TADA2B: variants seen among roughly 807,000 people sequenced by gnomAD.
The protein encoded by TADA2B is transcriptional adapter 2-beta.
TADA2B carries 13 observed loss-of-function variants against 34.5 expected under a neutral mutation model. That is an observed-to-expected ratio of 0.38 (90% CI 0.25 to 0.60). The LOEUF (loss-of-function observed/expected upper bound fraction) is 0.60. TADA2B is among the 20% of genes least tolerant of loss of function. TADA2B has a pLI of 0.65. For synonymous variants in TADA2B, 240 were observed against 243.4 expected (o/e 0.99, Z 0.13); for missense variants, 442 against 575.0 (o/e 0.77, Z 2.37).
intron 1 of TADA2B, among the ~76,000 whole-genome samples, chr4:7,049,042 C>T (rs952346754): frequency 1.9e-4 from 29 of 152,020 alleles, no homozygotes; most frequent in Admixed American, 1.1e-3. Context: ...TGAGGGATCT[C>T]GTCAAGTAAA....
chr4:7,054,401 G>A lies in TADA2B; in HGVS notation c.610G>A (p.Ala204Thr), dbSNP rs753150104. The change falls in exon 2 of 2, where the codon GCC becomes ACC. Residue 204 changes from alanine (A) to threonine (T), a missense_variant. By Grantham distance (58) the Ala-to-Thr change is moderately conservative (BLOSUM62 0). Around this residue, in one of 4 missense-constraint regions of TADA2B, gnomAD observed 222 missense variants for 235.2 expected, o/e 0.94. Transcript: ENST00000310074. ...DDDVEIELKR[A>T]HVDMYVRKLK... ...CGACGTGGAGATCGAGCTGAAGCGCGCCCACGTGGACATGTACGTGCGGAA... is the reference window on the plus strand; with the variant it reads ...CGACGTGGAGATCGAGCTGAAGCGCACCCACGTGGACATGTACGTGCGGAA... The A allele has an allele frequency of 1.2e-6, 2 of 1,613,584 alleles. No individual in the cohort carries two copies. Among genetic ancestry groups the A allele is most frequent in the East Asian group, 2.2e-5 (1 of 44,874 alleles).
At chr4:7,051,338 C>T (rs983894584) in intron 1 of TADA2B, among the ~76,000 whole-genome samples, 1 of 149,236 alleles carries the variant, frequency 6.7e-6, no homozygotes, top group Non-Finnish European at 1.5e-5. Context: ...GGACCCCAGC[C>T]CCTAGCCTGG....
chr4:7,051,010 C>T (rs1723753952), intron 1 of TADA2B, among the ~76,000 whole-genome samples: 1 of 152,158 alleles, frequency 6.6e-6, no homozygotes, highest in South Asian at 2.1e-4. Flanking sequence ...GCGGTAACAA[C>T]ACTCCTCCTC....
chr4:7,052,412 C>T (rs552202026), intron 1 of TADA2B, among the ~76,000 whole-genome samples: 1 of 152,340 alleles, frequency 6.6e-6, no homozygotes, highest in Non-Finnish European at 1.5e-5. Flanking sequence ...GTTTCAGAGG[C>T]CATTGCGGTT....
chr4:7,048,484 T>G (rs765341219), intron 1 of TADA2B, among the ~76,000 whole-genome samples: 1 of 152,208 alleles, frequency 6.6e-6, no homozygotes, highest in Non-Finnish European at 1.5e-5. Context: ...GCGGCCGCCG[T>G]GGGACCCCAC....
chr4:7,057,378 C>T lies in TADA2B; in HGVS notation c.*2324C>T, dbSNP rs564707280. 3.9e-4 allele frequency: 60 copies of T among 152,362 alleles called. No homozygotes were observed. The highest frequency in any genetic ancestry group is 1.4e-3 in the African/African-American group (57 of 41,576). The allele number at this position is 152,362 out of a possible 1,614,324, so 9.4% of individuals were successfully genotyped here. A position where few individuals can be genotyped will look rare whatever the true frequency, so the allele number is the denominator to read the frequency against. On this transcript the variant is annotated 3_prime_UTR_variant, in exon 2 of 2. Coordinates refer to ENST00000310074, the MANE Select transcript of TADA2B (RefSeq NM_152293.3). ...GGTAATGTGATTGGCTGCCTGTTAG[C>T]CCATCGACTATTCCCGTCACGGTAG...
Position 7,043,677 on chromosome 4 carries a change from C to T in TADA2B, c.98C>T (p.Pro33Leu), listed in dbSNP as rs756884051. 2 of 1,585,960 alleles carry T rather than the reference C, an allele frequency of 1.3e-6. No homozygotes were observed. The highest frequency in any genetic ancestry group is 1.1e-5 in the South Asian group (1 of 88,004). Reference protein sequence around the residue: ...CTECQDIELCPECFSAGAEIG... With the variant: ...CTECQDIELCLECFSAGAEIG... ...GAGTGCCAGGACATCGAGCTGTGCC[C>T]CGAGTGCTTCTCGGCCGGCGCCGAG... Residue 33 changes from proline (P) to leucine (L), a missense_variant, in exon 1 of 2, where the codon CCC becomes CTC. Physicochemically the swap from Pro to Leu is moderately conservative, Grantham distance 98. Around this residue, in one of 4 missense-constraint regions of TADA2B, gnomAD observed 102 missense variants for 177.2 expected, o/e 0.58. Coordinates refer to ENST00000310074, the MANE Select transcript of TADA2B (RefSeq NM_152293.3).
chr4:7,048,216 T>TAA (rs1723679966), intron 1 of TADA2B, among the ~76,000 whole-genome samples: 3 of 152,238 alleles, frequency 2.0e-5, no homozygotes, highest in African/African-American at 7.2e-5. Context: ...AGTGGGGACT[T>TAA]ACCTTCCCCG....
At chr4:7,052,237 C>G (rs1334834027) in intron 1 of TADA2B, among the ~76,000 whole-genome samples, 6 of 152,276 alleles carry the variant, frequency 3.9e-5, no homozygotes, top group Non-Finnish European at 8.8e-5. Flanking sequence ...TGCCGCCCGC[C>G]TGCGCGGTGG....
intron 1 of TADA2B, among the ~76,000 whole-genome samples, chr4:7,049,093 T>G (rs1723703313): frequency 1.3e-5 from 2 of 152,196 alleles, no homozygotes; most frequent in African/African-American, 2.4e-5. Context: ...GTGTAATTTT[T>G]TTTTTTTAAG....
chr4:7,057,417 C>T lies in TADA2B; in HGVS notation c.*2363C>T, dbSNP rs573329423. 10 of 152,332 alleles carry T rather than the reference C, an allele frequency of 6.6e-5. No homozygotes were observed. The highest frequency in any genetic ancestry group is 2.2e-4 in the African/African-American group (9 of 41,580). The allele number at this position is 152,332 out of a possible 1,614,324, so 9.4% of individuals were successfully genotyped here. A position where few individuals can be genotyped will look rare whatever the true frequency, so the allele number is the denominator to read the frequency against. ...CCGTCACGGTAGTCCTTACCTCTGT[C>T]GGCAGCTCAGAGCCTCCACATTTTT... On this transcript the variant is annotated 3_prime_UTR_variant, in exon 2 of 2. Transcript: ENST00000310074.
Position 7,054,941 on chromosome 4 carries a change from C to A in TADA2B, c.1150C>A (p.Arg384=). The part of the protein sequence containing the change: ...TIIIKDHLQK[R]QGIPSKSRLP... ...TATAATTAAAGACCACCTCCAGAAG[C>A]GGCAAGGAATCCCCTCCAAAAGCCG... Residue 384 remains arginine, a synonymous_variant, in exon 2 of 2, where the codon CGG becomes AGG. Transcript: ENST00000310074. The A allele has an allele frequency of 1.2e-6, 2 of 1,613,904 alleles. No homozygotes were observed.
At chr4:7,050,751 A>G (rs1371029465) in intron 1 of TADA2B, among the ~76,000 whole-genome samples, 3 of 152,218 alleles carry the variant, frequency 2.0e-5, no homozygotes, top group Non-Finnish European at 4.4e-5. Flanking sequence ...CACGTCTCCA[A>G]CGTGCTTGTT....
chr4:7,050,354 A>G, intron 1 of TADA2B, among the ~76,000 whole-genome samples: 1 of 152,210 alleles, frequency 6.6e-6, no homozygotes, highest in East Asian at 1.9e-4. Flanking sequence ...TGCCCGCTGA[A>G]TGCCCTTCCC....
chr4:7,044,408 G>T (rs1177435894), intron 1 of TADA2B, among the ~76,000 whole-genome samples: 1 of 152,220 alleles, frequency 6.6e-6, no homozygotes, highest in Non-Finnish European at 1.5e-5. Flanking sequence ...CCACGACCTT[G>T]TGCGAATGGT....
Position 7,043,452 on chromosome 4 carries a change from C to A in TADA2B, c.-128C>A. 2 of 354,464 alleles carry A rather than the reference C, an allele frequency of 5.6e-6. No homozygotes were observed. Among genetic ancestry groups the A allele is most frequent in the Non-Finnish European group, 7.8e-6 (2 of 257,492 alleles). The allele number at this position is 354,464 out of a possible 1,614,324, so 22.0% of individuals were successfully genotyped here. ...GGCTGGGCTGGGGCCGCGGTGGCGG[C>A]AGCCGCGGCGGCGGGCGGCGGTTGC... On this transcript the variant is annotated 5_prime_UTR_variant, in exon 1 of 2. Coordinates refer to ENST00000310074, the MANE Select transcript of TADA2B (RefSeq NM_152293.3).
rs1190381666 is a variant in TADA2B at position 7,054,888 on chromosome 4, C to T, written c.1097C>T (p.Pro366Leu). Residue 366 changes from proline (P) to leucine (L), a missense_variant, in exon 2 of 2, where the codon CCA (proline) becomes CTA (leucine). Transcript: ENST00000310074. ...KVLCSSLNLS[P>L]ARYVTVKTII... ...CTCTGCAGCTCTTTAAACTTGAGTC[C>T]AGCCCGCTACGTGACTGTGAAGACT... 6.2e-7 allele frequency: 1 copy of T among 1,613,940 alleles called. No individual in the cohort carries two copies. Among genetic ancestry groups the T allele is most frequent in the Non-Finnish European group, 8.5e-7 (1 of 1,179,902 alleles).
At position 7,056,721 on chromosome 4, in the gene TADA2B, A is replaced by G. The variant is rs1189853582; in HGVS notation, c.*1667A>G. On this transcript the variant is annotated 3_prime_UTR_variant, in exon 2 of 2. Transcript: ENST00000310074. ...CTAAGCCCAGAACTTCTCTTTTGAC[A>G]ATAAAGTACTGAGCAGTGGTATCAT... 1 of 152,228 alleles carries G rather than the reference A, an allele frequency of 6.6e-6. No homozygotes were observed. The highest frequency in any genetic ancestry group is 6.5e-5 in the Admixed American group (1 of 15,284). 9.4% of individuals were successfully genotyped at this position (152,228 alleles called of 1,614,324 possible). A position where few individuals can be genotyped will look rare whatever the true frequency, so the allele number is the denominator to read the frequency against.
chr4:7,050,232 C>G (rs1022056531), intron 1 of TADA2B, among the ~76,000 whole-genome samples: 1 of 152,240 alleles, frequency 6.6e-6, no homozygotes, highest in African/African-American at 2.4e-5. Flanking sequence ...CCCCTGGGGC[C>G]AGTGGTTCCC....
Sources: allele counts gnomAD v4.1 joint callset (sites outside exome capture counted in the v4.1 genomes callset), GRCh38; gene constraint gnomAD v4.1.1; regional missense constraint gnomAD v4.1.1; transcripts MANE v1.5; gene names NCBI Gene and HGNC (gene_info 2026-07-23, HGNC 2026-07-21).